DUSP16: variants seen among roughly 807,000 people sequenced by gnomAD.
The protein encoded by DUSP16 is dual specificity protein phosphatase 16.
DUSP16 carries 21 observed loss-of-function variants against 58.3 expected under a neutral mutation model. The ratio of observed to expected loss-of-function variants is 0.36; its 90% CI spans 0.26 to 0.52. DUSP16 has a LOEUF of 0.52. Ranked by LOEUF, DUSP16 falls within the 20% of genes least tolerant of loss-of-function variation. The probability of loss-of-function intolerance (pLI) is 0.94; values close to 1 mark genes in which losing one functional copy is unlikely to be tolerated. For missense variants in DUSP16, 726 were observed against 819.0 expected (o/e 0.89, Z 1.39); for synonymous variants, 320 against 323.8 (o/e 0.99, Z 0.12).
chr12:12,493,820 G>A (rs1209735833), intron 4 of DUSP16, among the ~76,000 whole-genome samples: 3 of 152,118 alleles, frequency 2.0e-5, no homozygotes, highest in Non-Finnish European at 4.4e-5. Flanking sequence ...CACCTCACAG[G>A]TAATCCCCAG....
chr12:12,527,989 C>G (rs973491997), intron 1 of DUSP16, among the ~76,000 whole-genome samples: 2 of 152,248 alleles, frequency 1.3e-5, no homozygotes, highest in Non-Finnish European at 2.9e-5. Flanking sequence ...CCAGCCCAGG[C>G]AGAGGCCAAA....
intron 4 of DUSP16, among the ~76,000 whole-genome samples, chr12:12,494,914 T>C (rs1943808098): frequency 6.6e-6 from 1 of 152,112 alleles, no homozygotes; most frequent in Admixed American, 6.6e-5. Context: ...AATTCATTAG[T>C]GGTTAGTGTG....
chr12:12,497,249 T>C (rs1360294566), intron 4 of DUSP16, among the ~76,000 whole-genome samples: 2 of 152,240 alleles, frequency 1.3e-5, no homozygotes, highest in South Asian at 2.1e-4. Flanking sequence ...ATTTAAATTA[T>C]GTATGTGACT....
At position 12,477,748 on chromosome 12, in the gene DUSP16, G is replaced by T. The variant is rs1406264679; in HGVS notation, c.1083C>A (p.Pro361=). The change falls in exon 7 of 7, where the codon CCC becomes CCA. Residue 361 remains proline, a synonymous_variant. Transcript: ENST00000298573. This position sits in a 1 kb window ranked among gnomAD's most constrained non-coding sequence, Gnocchi z 4.1. The part of the protein sequence containing the change: ...GQRPVHPASV[P]SVPSVQPSLL... ...GCGACGGCTGCACGCTGGGCACGCT[G>T]GGCACGCTGGCGGGATGCACGGGCC... 5 of 1,543,716 alleles carry T rather than the reference G, an allele frequency of 3.2e-6. No individual in the cohort carries two copies. The highest frequency in any genetic ancestry group is 4.3e-6 in the Non-Finnish European group (5 of 1,171,804).
Position 12,562,749 on chromosome 12 carries a change from GGGCCGCGCGCTCGCCCATCCCGC to G in DUSP16, c.-1021_-999del, listed in dbSNP as rs1313035795. 6.6e-6 allele frequency among the ~76,000 whole-genome samples: 1 copy of G among 151,322 alleles called. No homozygotes were observed. Among genetic ancestry groups the G allele is most frequent in the East Asian group, 1.9e-4 (1 of 5,178 alleles). On this transcript the variant is annotated 5_prime_UTR_variant, in exon 1 of 7. The change abolishes an upstream ATG in the 5' untranslated region. Coordinates refer to ENST00000298573, the MANE Select transcript of DUSP16 (RefSeq NM_030640.3). The stretch of plus-strand genomic sequence containing the variant: ...AGGGCAGGGCGGTGGGCGCCGGGCG[GGGCCGCGCGCTCGCCCATCCCGC>G]GGCCGCCCGAGCCCGGAGCGCGGCT...
At chr12:12,493,721 A>G (rs543745705) in intron 4 of DUSP16, among the ~76,000 whole-genome samples, 60 of 152,160 alleles carry the variant, frequency 3.9e-4, no homozygotes, top group African/African-American at 1.4e-3. Context: ...AGATATTCAA[A>G]TGGCTTACTC....
chr12:12,530,055 G>C (rs965136646), intron 1 of DUSP16, among the ~76,000 whole-genome samples: 2 of 152,064 alleles, frequency 1.3e-5, no homozygotes, highest in African/African-American at 4.8e-5. Flanking sequence ...ATTATATGGT[G>C]GTTCTATTTT....
chr12:12,477,016 G>A lies in DUSP16; in HGVS notation c.1815C>T (p.Asp605=), dbSNP rs770225624. Residue 605 remains aspartate (D), a synonymous_variant, in exon 7 of 7, where the codon GAC becomes GAT. Transcript: ENST00000298573. The surrounding 1 kb of genome is among the most constrained non-coding windows in gnomAD (Gnocchi z 4.1). ...GCCAGCTCCGCCGCGAGTCAGCTCT[G>A]TCACTTGGCTTCTGCCGCCTGCGCA... ...YSVRRRQKPS[D]RADSRRSWHE... The A allele has an allele frequency of 5.6e-6, 9 of 1,614,126 alleles. No homozygotes were observed. The Admixed American group carries it at 6.7e-5, about 12-fold the overall frequency.
At chr12:12,480,399 G>C (rs1212504476) in intron 5 of DUSP16, 53 bp from the exon 6 acceptor site, 1 of 1,584,020 alleles carries the variant, frequency 6.3e-7, no homozygotes, top group African/African-American at 1.4e-5. Flanking sequence ...GTTCAGCAGT[G>C]AAATCTTGTT....
chr12:12,477,039 G>A lies in DUSP16; in HGVS notation c.1792C>T (p.Arg598Cys), dbSNP rs753562199. Residue 598 changes from arginine (R) to cysteine (C), a missense_variant, in exon 7 of 7, where the codon CGC becomes TGC. Coordinates refer to ENST00000298573, the MANE Select transcript of DUSP16 (RefSeq NM_030640.3). The surrounding 1 kb of genome is among the most constrained non-coding windows in gnomAD (Gnocchi z 4.1). ...PTCGDQVYSV[R>C]RRQKPSDRAD... ...CTGTCACTTGGCTTCTGCCGCCTGC[G>A]CACAGAATAGACTTGGTCTCCGCAA... 1.7e-5 allele frequency: 27 copies of A among 1,614,124 alleles called. No individual in the cohort carries two copies. Among genetic ancestry groups the A allele is most frequent in the East Asian group, 8.9e-5 (4 of 44,902 alleles).
intron 1 of DUSP16, among the ~76,000 whole-genome samples, chr12:12,542,889 G>A (rs1944586410): frequency 6.6e-6 from 1 of 152,056 alleles, no homozygotes; most frequent in Non-Finnish European, 1.5e-5. Flanking sequence ...GGGTAATTAG[G>A]TCATGAGGTG....
chr12:12,501,786 G>A (rs936943790), intron 3 of DUSP16, among the ~76,000 whole-genome samples: 3 of 152,168 alleles, frequency 2.0e-5, no homozygotes, highest in African/African-American at 7.2e-5. Flanking sequence ...GAGGTCAGGG[G>A]TTCGAGACCA....
intron 3 of DUSP16, among the ~76,000 whole-genome samples, chr12:12,503,330 A>T (rs1021073717): frequency 6.7e-6 from 1 of 148,874 alleles, no homozygotes; most frequent in Admixed American, 6.8e-5. Context: ...GGTTCAAGCG[A>T]TTCTCCTGCC....
At chr12:12,518,820 A>C (rs1254207337) in intron 3 of DUSP16, among the ~76,000 whole-genome samples, 1 of 152,222 alleles carries the variant, frequency 6.6e-6, no homozygotes, top group Non-Finnish European at 1.5e-5. Context: ...GCATAAATGA[A>C]AGGTGTACAG....
Position 12,530,913 on chromosome 12 carries a change from C to G in DUSP16, c.-365-9450G>C, listed in dbSNP as rs566430981. 1.3e-3 allele frequency among the ~76,000 whole-genome samples: 201 copies of G among 152,240 alleles called. 2 individuals carry two copies. The highest frequency in any genetic ancestry group is 4.3e-3 in the African/African-American group (179 of 41,554). On this transcript the variant is annotated intron_variant, in intron 1 of 6. Transcript: ENST00000298573. ...AAATTTTTTAAATGCTTTCAAGGTT[C>G]TCTCCTTGTCAGAAGGATCAAATAC...
intron 4 of DUSP16, among the ~76,000 whole-genome samples, chr12:12,499,462 T>A (rs1373266736): frequency 6.6e-6 from 1 of 152,146 alleles, no homozygotes; most frequent in African/African-American, 2.4e-5. Flanking sequence ...GAGGCAAAAT[T>A]TTGAAAAGGC....
intron 6 of DUSP16, 144 bp downstream of exon 6, chr12:12,480,079 G>A: frequency 8.9e-7 from 1 of 1,121,632 alleles, no homozygotes; most frequent in Non-Finnish European, 1.3e-6. Flanking sequence ...ATCTTCACAA[G>A]ACCATTAAAA....
chr12:12,534,342 C>A (rs926101739), intron 1 of DUSP16, among the ~76,000 whole-genome samples: 4 of 152,190 alleles, frequency 2.6e-5, no homozygotes, highest in African/African-American at 9.7e-5. Context: ...GAGCAAAGTA[C>A]CACAAAGTGA....
rs1406290295 is a variant in DUSP16, at chr12:12,477,610, A to G, written c.1221T>C (p.Val407=). The stretch of plus-strand genomic sequence containing the variant: ...ATGCTGCCATGCTGGCTGAATATGA[A>G]ACTGATTTGATATCCAGAGAGAAGG... ...KRSFSLDIKS[V]SYSASMAASL... Residue 407 remains valine, a synonymous_variant, in exon 7 of 7, where the codon GTT becomes GTC. Transcript: ENST00000298573. This position sits in a 1 kb window ranked among gnomAD's most constrained non-coding sequence, Gnocchi z 4.1. The G allele has an allele frequency of 6.2e-7, 1 of 1,614,214 alleles. No individual in the cohort carries two copies. The highest frequency in any genetic ancestry group is 1.1e-5 in the South Asian group (1 of 91,086).
Sources: allele counts gnomAD v4.1 joint callset (sites outside exome capture counted in the v4.1 genomes callset), GRCh38; gene constraint gnomAD v4.1.1; non-coding constraint Gnocchi (gnomAD v3.1); transcripts MANE v1.5; gene names NCBI Gene and HGNC (gene_info 2026-07-23, HGNC 2026-07-21).